Variants in NRTN observed in about 807,000 individuals in gnomAD.
The protein encoded by NRTN is neurturin.
NRTN carries 3 observed loss-of-function variants against 7.5 expected under a neutral mutation model. The ratio of observed to expected loss-of-function variants is 0.40; its 90% CI spans 0.18 to 1.03. The LOEUF is 1.03. NRTN is among the 50% of genes least tolerant of loss of function. The pLI is 0.34. For missense variants in NRTN, 310 were observed against 307.0 expected (o/e 1.01, Z -0.07); for synonymous variants, 157 against 146.6 (o/e 1.07, Z -0.51).
intron 1 of NRTN, among the ~76,000 whole-genome samples, chr19:5,821,294 C>CTTT (rs33932385): frequency 8.1e-5 from 4 of 49,132 alleles, no homozygotes; most frequent in East Asian, 6.5e-4. Flanking sequence ...CAGTGCCTAG[C>CTTT]TTTTTTTTTT....
At chr19:5,818,872 C>T (rs377436169) in intron 1 of NRTN, among the ~76,000 whole-genome samples, 2 of 151,940 alleles carry the variant, frequency 1.3e-5, no homozygotes, top group East Asian at 1.9e-4. Context: ...CTGCTGGGCC[C>T]CCTCCGCCAA....
At position 5,827,915 on chromosome 19, in the gene NRTN, G is replaced by C; in HGVS notation, c.336G>C (p.Val112=). The change falls in exon 3 of 3, where the codon GTG becomes GTC. Residue 112 remains valine, a synonymous_variant. Transcript: ENST00000303212. ...PCGLRELEVR[V]SELGLGYASD... ...GGCTGCGCGAGCTGGAGGTGCGCGT[G>C]AGCGAGCTGGGCCTGGGCTACGCGT... is the stretch of plus-strand genomic sequence containing the variant. The C allele has an allele frequency of 6.9e-7, 1 of 1,454,078 alleles. No homozygotes were observed. Among genetic ancestry groups the C allele is most frequent in the Non-Finnish European group, 9.1e-7 (1 of 1,103,810 alleles). The allele number at this position is 1,454,078 out of a possible 1,614,324, so 90.1% of individuals were successfully genotyped here.
intron 1 of NRTN, among the ~76,000 whole-genome samples, chr19:5,810,660 G>A (rs1007711865): frequency 2.0e-5 from 3 of 151,954 alleles, no homozygotes; most frequent in South Asian, 2.1e-4. Context: ...ACAGCCGGGC[G>A]CAGTGGCTCG....
chr19:5,810,670 G>C (rs922887517), intron 1 of NRTN, among the ~76,000 whole-genome samples: 1 of 151,588 alleles, frequency 6.6e-6, no homozygotes, highest in East Asian at 1.9e-4. Context: ...GCAGTGGCTC[G>C]TGCCTGTAAT....
Position 5,824,031 on chromosome 19 carries a change from G to A in NRTN, c.-135G>A. The A allele has an allele frequency of 1.2e-5, 14 of 1,155,088 alleles. No homozygotes were observed. In the South Asian group the frequency reaches 1.6e-4, roughly 13 times the overall value. 71.6% of individuals were successfully genotyped at this position (1,155,088 alleles called of 1,614,324 possible). A position where few individuals can be genotyped will look rare whatever the true frequency, so the allele number is the denominator to read the frequency against. ...TGGTTCCTTGAGGGACCATTCCCAT[G>A]TGATTATCGACCATTCGGCAGGCGT... On this transcript the variant is annotated 5_prime_UTR_variant, in exon 2 of 3. In the 5' UTR this introduces an upstream ATG that the reference lacks. Coordinates refer to ENST00000303212, the MANE Select transcript of NRTN (RefSeq NM_004558.5).
chr19:5,807,276 T>C (rs1199979644), intron 1 of NRTN, among the ~76,000 whole-genome samples: 3 of 151,888 alleles, frequency 2.0e-5, no homozygotes, highest in East Asian at 1.9e-4. Flanking sequence ...TCCCTGGAGG[T>C]AGGGGCTGAA....
At chr19:5,809,196 G>A (rs1440218344) in intron 1 of NRTN, among the ~76,000 whole-genome samples, 3 of 145,354 alleles carry the variant, frequency 2.1e-5, no homozygotes, top group South Asian at 2.2e-4. Context: ...TTTCTGAGAC[G>A]GTGTTGCTCT....
intron 1 of NRTN, among the ~76,000 whole-genome samples, chr19:5,810,903 T>TG (rs755150690): frequency 1.3e-5 from 2 of 149,840 alleles, no homozygotes; most frequent in Non-Finnish European, 3.0e-5. Flanking sequence ...CACTCCAGCC[T>TG]GGCAACAGAG....
intron 1 of NRTN, among the ~76,000 whole-genome samples, chr19:5,820,944 C>T (rs931080708): frequency 6.6e-6 from 1 of 152,104 alleles, no homozygotes; most frequent in African/African-American, 2.4e-5. Context: ...CTCAGACACA[C>T]GGGCCTCCTC....
intron 1 of NRTN, among the ~76,000 whole-genome samples, chr19:5,818,292 G>A (rs2057012480): frequency 6.6e-6 from 1 of 152,194 alleles, no homozygotes; most frequent in Admixed American, 6.5e-5. Flanking sequence ...GCACGCAAGT[G>A]TGCTCGAGTG....
intron 2 of NRTN, among the ~76,000 whole-genome samples, chr19:5,827,040 G>A (rs969928722): frequency 1.3e-5 from 2 of 152,120 alleles, no homozygotes; most frequent in African/African-American, 4.8e-5. Context: ...CACAGGCTTC[G>A]GATGCAGTAG....
chr19:5,819,898 G>GT (rs1286038423), intron 1 of NRTN, among the ~76,000 whole-genome samples: 1 of 151,928 alleles, frequency 6.6e-6, no homozygotes, highest in African/African-American at 2.4e-5. Flanking sequence ...TAGGACGCTT[G>GT]TAAGGTTGGA....
intron 2 of NRTN, among the ~76,000 whole-genome samples, chr19:5,825,408 G>C (rs1257600007): frequency 3.3e-5 from 5 of 152,168 alleles, no homozygotes; most frequent in Non-Finnish European, 7.4e-5. Context: ...TGGGCCACGA[G>C]TACGCCCATG....
At chr19:5,809,700 G>A (rs116642038) in intron 1 of NRTN, among the ~76,000 whole-genome samples, 183 of 152,230 alleles carry the variant, frequency 1.2e-3, no homozygotes, top group African/African-American at 4.3e-3. Context: ...GAACCCAGCC[G>A]GGCACTCTGG....
chr19:5,822,562 AC>A (rs1244596714), intron 1 of NRTN, among the ~76,000 whole-genome samples: 6 of 152,190 alleles, frequency 3.9e-5, no homozygotes, highest in Non-Finnish European at 7.4e-5. Flanking sequence ...CACTCACAGC[AC>A]CAAGTAACTG....
chr19:5,822,718 G>A (rs1251640535), intron 1 of NRTN, among the ~76,000 whole-genome samples: 1 of 152,198 alleles, frequency 6.6e-6, no homozygotes, highest in African/African-American at 2.4e-5. Flanking sequence ...AGGGGAGTGA[G>A]AGCTAGGTAC....
rs372274776 is a variant in NRTN, at chr19:5,815,737, G to GT, written c.-398-8012dup. On this transcript the variant is annotated intron_variant, in intron 1 of 2. Transcript: ENST00000303212. ...AGACGTGAGCCACCGCGCCCGGCCTGTTTTTTTTTTTTTTTTTTTCTTTTT... is the reference window on the plus strand; with the variant it reads ...AGACGTGAGCCACCGCGCCCGGCCTGTTTTTTTTTTTTTTTTTTTTCTTTTT... 6.6e-3 allele frequency among the ~76,000 whole-genome samples: 794 copies of GT among 120,254 alleles called. 13 individuals carry two copies. Among genetic ancestry groups the GT allele is most frequent in the East Asian group, 0.013 (52 of 3,936 alleles). The allele number at this position is 120,254 out of a possible 152,430, so 78.9% of individuals were successfully genotyped here. A position where few individuals can be genotyped will look rare whatever the true frequency, so the allele number is the denominator to read the frequency against.
chr19:5,824,239 A>G lies in NRTN; in HGVS notation c.74A>G (p.Glu25Gly), dbSNP rs2144767246. Residue 25 changes from glutamate to glycine, a missense_variant, in exon 2 of 3, where the codon GAG (glutamate) becomes GGG (glycine). Glu to Gly is a moderately conservative substitution (Grantham distance 98, BLOSUM62 -2). Coordinates refer to ENST00000303212, the MANE Select transcript of NRTN (RefSeq NM_004558.5). ...GTGCTGTCCATCTGGATGTGTCGAG[A>G]GGGCCTGCTTCTCAGCCACCGCCTC... ...SSVLSIWMCREGLLLSHRLGP... is the reference protein window; with the variant it reads ...SSVLSIWMCRGGLLLSHRLGP... 1.2e-6 allele frequency: 2 copies of G among 1,612,386 alleles called. No individual in the cohort carries two copies. The highest frequency in any genetic ancestry group is 3.3e-4 in the Middle Eastern group (2 of 6,038).
chr19:5,827,421 T>A (rs1467968924), intron 2 of NRTN, among the ~76,000 whole-genome samples: 1 of 151,936 alleles, frequency 6.6e-6, no homozygotes, highest in African/African-American at 2.4e-5. Context: ...CCCGGTCAGC[T>A]CAGCTCAAGG....
Sources: gnomAD v4.1 joint callset for allele counts (sites outside exome capture counted in the v4.1 genomes callset) on GRCh38, gnomAD v4.1.1 for gene constraint, MANE v1.5 for transcripts, NCBI Gene and HGNC (gene_info 2026-07-23, HGNC 2026-07-21) for gene names.